Variants in RMND5A observed in about 807,000 individuals in gnomAD.
RMND5A encodes E3 ubiquitin-protein transferase RMND5A.
Under a neutral mutation model 49.7 loss-of-function variants are expected in RMND5A, and 17 were observed. The ratio of observed to expected loss-of-function variants is 0.34; its 90% CI spans 0.23 to 0.51. RMND5A has a LOEUF of 0.51. Among genes scored for constraint, RMND5A ranks in the 20% least tolerant of loss-of-function variants. The pLI is 0.96. For synonymous variants in RMND5A, 156 were observed against 167.7 expected (o/e 0.93, Z 0.54); for missense variants, 255 against 471.3 (o/e 0.54, Z 4.25).
At chr2:86,762,247 C>G (rs1318295039) in intron 4 of RMND5A, among the ~76,000 whole-genome samples, 2 of 152,158 alleles carry the variant, frequency 1.3e-5, no homozygotes, top group Non-Finnish European at 2.9e-5. Flanking sequence ...GTGCCTTGTT[C>G]CGATTAGTCA....
chr2:86,729,023 G>A (rs1429922964), intron 1 of RMND5A, among the ~76,000 whole-genome samples: 1 of 152,126 alleles, frequency 6.6e-6, no homozygotes, highest in East Asian at 1.9e-4. Context: ...CAAAGTGCTA[G>A]GATTATAGGC....
intron 1 of RMND5A, among the ~76,000 whole-genome samples, chr2:86,728,259 G>A (rs542068384): frequency 1.2e-5 from 1 of 83,686 alleles, no homozygotes; most frequent in East Asian, 9.5e-4. Flanking sequence ...TTGACCCTGG[G>A]CCCAGGAGGT....
intron 4 of RMND5A, among the ~76,000 whole-genome samples, chr2:86,756,236 T>C (rs1001428979): frequency 1.3e-5 from 2 of 151,722 alleles, no homozygotes; most frequent in African/African-American, 4.8e-5. Context: ...TACAAAAAAA[T>C]AGAAAAATTA....
At chr2:86,743,621 G>T (rs1462794058) in intron 2 of RMND5A, among the ~76,000 whole-genome samples, 1 of 151,968 alleles carries the variant, frequency 6.6e-6, no homozygotes, top group African/African-American at 2.4e-5. Context: ...ATTGTTTCAT[G>T]TTCCTGTGAA....
intron 4 of RMND5A, among the ~76,000 whole-genome samples, chr2:86,759,618 C>CT: frequency 6.6e-6 from 1 of 151,096 alleles, no homozygotes; most frequent in East Asian, 2.0e-4. Flanking sequence ...GCTTGCCCCC[C>CT]CGCCCCCCAC....
intron 6 of RMND5A, 67 bp from the exon 7 acceptor site, chr2:86,769,956 A>T (rs568346651): frequency 9.0e-5 from 98 of 1,086,370 alleles, no homozygotes; most frequent in Admixed American, 1.3e-4. Context: ...GGAGAAATTG[A>T]TGTCTCCTTG....
intron 8 of RMND5A, among the ~76,000 whole-genome samples, 188 bp from the exon 9 acceptor site, chr2:86,773,160 C>G (rs1292478059): frequency 6.6e-6 from 1 of 152,182 alleles, no homozygotes; most frequent in East Asian, 1.9e-4. Flanking sequence ...GTATTTGTGA[C>G]CCTTCAAATC....
At position 86,720,431 on chromosome 2, in the gene RMND5A, A is replaced by C. The variant is rs540529131; in HGVS notation, c.-237A>C. 1.3e-3 allele frequency: 250 copies of C among 186,044 alleles called. 5 individuals carry two copies. The highest frequency in any genetic ancestry group is 5.7e-3 in the African/African-American group (240 of 42,210). The allele number at this position is 186,044 out of a possible 1,614,324, so 11.5% of individuals were successfully genotyped here. On this transcript the variant is annotated 5_prime_UTR_variant, in exon 1 of 9. Coordinates refer to ENST00000283632, the MANE Select transcript of RMND5A (RefSeq NM_022780.4). ...GGCCTGGGGACGCGGAGCCGAGTGC[A>C]GCGAGCGAACGGGAGCAGCGGCGAC... is the stretch of plus-strand genomic sequence containing the variant.
chr2:86,776,522 A>T lies in RMND5A; in HGVS notation c.*3111A>T, dbSNP rs1275592763. 2 of 152,186 alleles carry T rather than the reference A, an allele frequency of 1.3e-5. No homozygotes were observed. Among genetic ancestry groups the T allele is most frequent in the East Asian group, 3.8e-4 (2 of 5,200 alleles). The allele number at this position is 152,186 out of a possible 1,614,324, so 9.4% of individuals were successfully genotyped here. A position where few individuals can be genotyped will look rare whatever the true frequency, so the allele number is the denominator to read the frequency against. Reference sequence around the variant, plus strand: ...TTTTGTCCTCTCCAGGTAGTCTCGCAGGTTATGCAGCTTAAGTTCAGTCTT... The same window carrying T: ...TTTTGTCCTCTCCAGGTAGTCTCGCTGGTTATGCAGCTTAAGTTCAGTCTT... On this transcript the variant is annotated 3_prime_UTR_variant, in exon 9 of 9. Coordinates refer to ENST00000283632, the MANE Select transcript of RMND5A (RefSeq NM_022780.4).
Position 86,770,021 on chromosome 2 carries a change from A to G in RMND5A, c.855-2A>G, listed in dbSNP as rs750380203. The stretch of plus-strand genomic sequence containing the variant: ...CTGACGTTTCCTCTTCTGCTCTCCC[A>G]GTTTCTCAGCAGGTTGTGTGGCGCT... On this transcript the variant is annotated splice_acceptor_variant, in intron 6 of 8. Coordinates refer to ENST00000283632, the MANE Select transcript of RMND5A (RefSeq NM_022780.4). LOFTEE classifies it high-confidence loss of function. 1.2e-6 allele frequency: 2 copies of G among 1,612,640 alleles called. No individual in the cohort carries two copies. The highest frequency in any genetic ancestry group is 2.2e-5 in the East Asian group (1 of 44,870).
At position 86,775,191 on chromosome 2, in the gene RMND5A, C is replaced by T. The variant is rs1185186763; in HGVS notation, c.*1780C>T. On this transcript the variant is annotated 3_prime_UTR_variant, in exon 9 of 9. Coordinates refer to ENST00000283632, the MANE Select transcript of RMND5A (RefSeq NM_022780.4). ...TTGCTAAAGCAGTGAAGGAAGAGAACAGAGACAAACTCTTTGGACTGTGAA... is the reference window on the plus strand; with the variant it reads ...TTGCTAAAGCAGTGAAGGAAGAGAATAGAGACAAACTCTTTGGACTGTGAA... The T allele has an allele frequency of 6.6e-6, 1 of 152,142 alleles. No homozygotes were observed. Among genetic ancestry groups the T allele is most frequent in the Admixed American group, 6.6e-5 (1 of 15,262 alleles). 9.4% of individuals were successfully genotyped at this position (152,142 alleles called of 1,614,324 possible). A position where few individuals can be genotyped will look rare whatever the true frequency, so the allele number is the denominator to read the frequency against.
intron 4 of RMND5A, among the ~76,000 whole-genome samples, chr2:86,761,036 A>G (rs1015225673): frequency 3.3e-5 from 5 of 151,936 alleles, no homozygotes; most frequent in African/African-American, 1.2e-4. Flanking sequence ...GGCCAAATTG[A>G]TAATAGTTGC....
At chr2:86,753,639 T>G in intron 4 of RMND5A, 81 bp downstream of exon 4, 2 of 656,980 alleles carry the variant, frequency 3.0e-6, no homozygotes, top group Non-Finnish European at 5.3e-6. Flanking sequence ...ATTAGAGATT[T>G]TTAGATATAT....
Position 86,746,817 on chromosome 2 carries a change from C to T in RMND5A, c.286-5079C>T, listed in dbSNP as rs192418172. Among the ~76,000 whole-genome samples, 14 of 152,318 alleles carry T rather than the reference C, an allele frequency of 9.2e-5. No individual in the cohort carries two copies. The East Asian group carries it at 1.7e-3, about 19-fold the overall frequency. ...AAAGGCCTGGCAGAGTGGTTTGGCACGTTACTCCCTCATTTTTTAAATAAA... is the reference window on the plus strand; with the variant it reads ...AAAGGCCTGGCAGAGTGGTTTGGCATGTTACTCCCTCATTTTTTAAATAAA... On this transcript the variant is annotated intron_variant, in intron 2 of 8. Coordinates refer to ENST00000283632, the MANE Select transcript of RMND5A (RefSeq NM_022780.4).
At chr2:86,744,869 T>C (rs1268649433) in intron 2 of RMND5A, among the ~76,000 whole-genome samples, 1 of 152,092 alleles carries the variant, frequency 6.6e-6, no homozygotes, top group African/African-American at 2.4e-5. Flanking sequence ...ATTTTTTTCA[T>C]TTTTGCGTAG....
Position 86,720,710 on chromosome 2 carries a change from C to T in RMND5A, c.43C>T (p.Leu15=), listed in dbSNP as rs528398473. Residue 15 remains leucine (L), a synonymous_variant, in exon 1 of 9, where the codon CTG becomes TTG. Transcript: ENST00000283632. The stretch of plus-strand genomic sequence containing the variant: ...GGTGGAGCGCGAGCTGGAGAAGGTG[C>T]TGCACAAGTTCTCAGGCTACGGGCA... ...VTVERELEKV[L]HKFSGYGQLC... The T allele has an allele frequency of 6.3e-6, 10 of 1,581,752 alleles. No homozygotes were observed. The African/African-American group carries it at 8.2e-5, about 13-fold the overall frequency.
At chr2:86,772,469 A>AAAAAC (rs1044656262) in intron 8 of RMND5A, among the ~76,000 whole-genome samples, 3 of 152,150 alleles carry the variant, frequency 2.0e-5, no homozygotes, top group East Asian at 3.9e-4. Context: ...AACAAAAACA[A>AAAAAC]AAAACAAAAC....
chr2:86,748,803 C>G (rs1376641861), intron 2 of RMND5A, among the ~76,000 whole-genome samples: 1 of 152,158 alleles, frequency 6.6e-6, no homozygotes, highest in Non-Finnish European at 1.5e-5. Flanking sequence ...TTTGAGCTGA[C>G]CAGCGTGTCT....
intron 7 of RMND5A, 102 bp from the exon 8 acceptor site, chr2:86,771,456 T>C: frequency 2.0e-6 from 2 of 985,144 alleles, no homozygotes; most frequent in Non-Finnish European, 1.5e-6. Flanking sequence ...TTCAGGTGAA[T>C]AGATCTGATC....
Sources: allele counts gnomAD v4.1 joint callset (sites outside exome capture counted in the v4.1 genomes callset), GRCh38; gene constraint gnomAD v4.1.1; transcripts MANE v1.5; gene names NCBI Gene and HGNC (gene_info 2026-07-23, HGNC 2026-07-21).